KCTD15: variants seen among roughly 807,000 people sequenced by gnomAD.
The protein encoded by KCTD15 is BTB/POZ domain-containing protein KCTD15.
In KCTD15, 11 loss-of-function variants were observed where a neutral mutation model predicts 27.2. That is an observed-to-expected ratio of 0.41 (90% confidence interval 0.25 to 0.67). The LOEUF (loss-of-function observed/expected upper bound fraction) is 0.67, where lower values mean the gene tolerates loss of function less well. Ranked by LOEUF, KCTD15 falls within the 30% of genes least tolerant of loss-of-function variation. The probability of loss-of-function intolerance (pLI) is 0.35; values close to 1 mark genes in which losing one functional copy is unlikely to be tolerated. For missense variants in KCTD15, 350 were observed against 409.3 expected (o/e 0.86, Z 1.25); for synonymous variants, 163 against 176.0 (o/e 0.93, Z 0.58).
Position 33,811,445 on chromosome 19 carries a change from G to A in KCTD15, c.586G>A (p.Glu196Lys), listed in dbSNP as rs754403939. 3.7e-6 allele frequency: 6 copies of A among 1,612,824 alleles called. No individual in the cohort carries two copies. The highest frequency in any genetic ancestry group is 1.1e-5 in the South Asian group (1 of 91,030). Residue 196 changes from glutamate to lysine, a missense_variant, in exon 6 of 7, where the codon GAG (glutamate) becomes AAG (lysine). Physicochemically the swap from Glu to Lys is moderately conservative, Grantham distance 56. Transcript: ENST00000683859. ...GGCCCTCATCGAGGAGGTCTTCCCC[G>A]AGACCGGAGACGTCATGTGCAACTC... The part of the protein sequence containing the change: ...EKALIEEVFP[E>K]TGDVMCNSVN...
chr19:33,803,435 T>C (rs1172481731), intron 4 of KCTD15, among the ~76,000 whole-genome samples: 1 of 152,214 alleles, frequency 6.6e-6, no homozygotes, highest in Non-Finnish European at 1.5e-5. Context: ...AAGAGTGCTG[T>C]GGTCCTCAGG....
At chr19:33,810,685 A>C (rs551786179) in intron 5 of KCTD15, among the ~76,000 whole-genome samples, 1 of 145,996 alleles carries the variant, frequency 6.8e-6, no homozygotes, top group East Asian at 1.9e-4. Flanking sequence ...CAAAAAAAAA[A>C]AACAAAAAAA....
upstream of KCTD15, among the ~76,000 whole-genome samples, chr19:33,795,494 C>A (rs915432914): frequency 2.6e-5 from 4 of 151,826 alleles, no homozygotes; most frequent in African/African-American, 7.3e-5. Context: ...CCGGAGCCGG[C>A]GGTCGGGACC....
chr19:33,812,741 G>C lies in KCTD15; in HGVS notation c.694-49G>C, dbSNP rs907965876. On this transcript the variant is annotated intron_variant, in intron 6 of 6. Transcript: ENST00000683859. ...CCACCTCCCTGCCAGGCCAAGCCAG[G>C]TGTCCTCTTGCAGCTTGGCCTTGAT... is the stretch of plus-strand genomic sequence containing the variant. The C allele has an allele frequency of 4.3e-6, 6 of 1,401,436 alleles. No homozygotes were observed. In the Admixed American group the frequency reaches 1.7e-4, roughly 39 times the overall value. 86.8% of individuals were successfully genotyped at this position (1,401,436 alleles called of 1,614,324 possible). A position where few individuals can be genotyped will look rare whatever the true frequency, so the allele number is the denominator to read the frequency against.
chr19:33,806,956 C>T lies in KCTD15; in HGVS notation c.336C>T (p.Tyr112=), dbSNP rs150724614. Residue 112 remains tyrosine, a synonymous_variant, in exon 5 of 7, where the codon TAC becomes TAT. Coordinates refer to ENST00000683859, the MANE Select transcript of KCTD15 (RefSeq NM_001129994.2). The part of the protein sequence containing the change: ...FIDRDGEIFR[Y]VLSFLRTSKL... ...ACCGGGATGGGGAGATTTTCCGCTA[C>T]GTCCTGAGCTTCCTGCGGACGTCCA... 1.1e-4 allele frequency: 178 copies of T among 1,614,178 alleles called. 1 individual carries two copies. The South Asian group carries it at 1.4e-3, about 13-fold the overall frequency.
chr19:33,801,162 T>C lies in KCTD15; in HGVS notation c.67-5T>C. 2 of 1,595,118 alleles carry C rather than the reference T, an allele frequency of 1.3e-6. No homozygotes were observed. Among genetic ancestry groups the C allele is most frequent in the Non-Finnish European group, 1.7e-6 (2 of 1,169,234 alleles). On this transcript the variant is annotated splice_polypyrimidine_tract_variant and splice_region_variant and intron_variant, in intron 3 of 6. Coordinates refer to ENST00000683859, the MANE Select transcript of KCTD15 (RefSeq NM_001129994.2). ...TCTTGTGTTCCGCTTTGTTTCCATC[T>C]CTAGGAGGGAGGAAACATGTCCCGG...
At position 33,811,444 on chromosome 19, in the gene KCTD15, C is replaced by G. The variant is rs760861168; in HGVS notation, c.585C>G (p.Pro195=). The change falls in exon 6 of 7, where the codon CCC becomes CCG. Residue 195 remains proline (P), a synonymous_variant. Coordinates refer to ENST00000683859, the MANE Select transcript of KCTD15 (RefSeq NM_001129994.2). ...GEKALIEEVF[P]ETGDVMCNSV... ...AGGCCCTCATCGAGGAGGTCTTCCC[C>G]GAGACCGGAGACGTCATGTGCAACT... 6.2e-7 allele frequency: 1 copy of G among 1,612,774 alleles called. No homozygotes were observed. Among genetic ancestry groups the G allele is most frequent in the South Asian group, 1.1e-5 (1 of 91,030 alleles).
chr19:33,802,592 C>T lies in KCTD15; in HGVS notation c.242+1250C>T, dbSNP rs1346725523. Reference sequence around the variant, plus strand: ...GTACCCCAGGTGGACAGAGACTCAGCCTGGGGCCCTGTGGCCTTGGGGCTT... The same window carrying T: ...GTACCCCAGGTGGACAGAGACTCAGTCTGGGGCCCTGTGGCCTTGGGGCTT... On this transcript the variant is annotated intron_variant, in intron 4 of 6. Coordinates refer to ENST00000683859, the MANE Select transcript of KCTD15 (RefSeq NM_001129994.2). 3.3e-5 allele frequency among the ~76,000 whole-genome samples: 5 copies of T among 152,222 alleles called. No individual in the cohort carries two copies. The East Asian group carries it at 9.7e-4, about 30-fold the overall frequency.
chr19:33,812,212 A>G, intron 6 of KCTD15: 1 of 1,075,966 alleles, frequency 9.3e-7, no homozygotes, highest in Non-Finnish European at 1.1e-6. Context: ...ATCAGACCTC[A>G]CCCTCACAGA....
chr19:33,812,232 C>T (rs772678435), intron 6 of KCTD15: 46 of 1,056,504 alleles, frequency 4.4e-5, no homozygotes, highest in Non-Finnish European at 5.1e-5. Flanking sequence ...AGGCACAAAC[C>T]CACATAGTTG....
chr19:33,801,041 C>A, intron 3 of KCTD15, 126 bp from the exon 4 acceptor site: 1 of 847,878 alleles, frequency 1.2e-6, no homozygotes. Context: ...TGATCAGGCA[C>A]GGGCAGAAGT....
chr19:33,794,637 C>G (rs1014197785), upstream of KCTD15, among the ~76,000 whole-genome samples: 2 of 152,140 alleles, frequency 1.3e-5, no homozygotes, highest in East Asian at 3.8e-4. Context: ...AGGCCTGGGG[C>G]GGGGGAGGAC....
intron 5 of KCTD15, among the ~76,000 whole-genome samples, chr19:33,807,414 C>T (rs562112464): frequency 3.3e-5 from 5 of 151,976 alleles, no homozygotes; most frequent in African/African-American, 1.2e-4. Flanking sequence ...TTGATGAAAC[C>T]CCATCTCTAC....
chr19:33,811,757 A>G (rs1461111888), intron 6 of KCTD15: 4 of 1,589,942 alleles, frequency 2.5e-6, no homozygotes, highest in East Asian at 2.2e-5. Context: ...ACTTAAAAAA[A>G]TCGATCTGTA....
chr19:33,794,415 G>A (rs572404722), upstream of KCTD15, among the ~76,000 whole-genome samples: 3 of 152,226 alleles, frequency 2.0e-5, no homozygotes, highest in Admixed American at 1.3e-4. Flanking sequence ...AAACAGTTTC[G>A]CTTATACCAA....
At chr19:33,797,990 C>G (rs1215710818) in intron 1 of KCTD15, among the ~76,000 whole-genome samples, 1 of 152,094 alleles carries the variant, frequency 6.6e-6, no homozygotes, top group East Asian at 1.9e-4. Flanking sequence ...CTTCGGGTGC[C>G]GCGGCCACCC....
intron 5 of KCTD15, 26 bp downstream of exon 5, chr19:33,807,033 T>C (rs2064849356): frequency 2.5e-6 from 4 of 1,610,110 alleles, no homozygotes; most frequent in African/African-American, 1.3e-5. Context: ...GTGGCCCCCC[T>C]GCACTGCCTG....
chr19:33,802,533 A>C (rs1220103972), intron 4 of KCTD15, among the ~76,000 whole-genome samples: 1 of 152,022 alleles, frequency 6.6e-6, no homozygotes, highest in Non-Finnish European at 1.5e-5. Context: ...CCAAATTTGG[A>C]GAGTCTAGGG....
intron 6 of KCTD15, chr19:33,812,278 T>A (rs1975949552): frequency 9.8e-7 from 1 of 1,017,620 alleles, no homozygotes; most frequent in African/African-American, 1.7e-5. Flanking sequence ...TGAGAGGACT[T>A]CTCCTTTTTC....
Sources: allele counts gnomAD v4.1 joint callset (sites outside exome capture counted in the v4.1 genomes callset), GRCh38; gene constraint gnomAD v4.1.1; transcripts MANE v1.5; gene names NCBI Gene and HGNC (gene_info 2026-07-23, HGNC 2026-07-21).